The following CSMD3 variants were observed in gnomAD, a reference collection of about 807,000 sequenced individuals.
The protein encoded by CSMD3 is CUB and sushi domain-containing protein 3.
Under a neutral mutation model 435.2 loss-of-function variants are expected in CSMD3, and 177 were observed. The observed-to-expected ratio is 0.41, with a 90% CI of 0.36 to 0.46. CSMD3 has a LOEUF of 0.46. CSMD3 is among the 20% of genes least tolerant of loss of function. CSMD3 has a pLI of 0.34. For synonymous variants in CSMD3, 1,656 were observed against 1,520.5 expected, an observed-to-expected ratio of 1.09 and a Z score of -2.07; for missense variants, 4,265 against 4,504.6, an observed-to-expected ratio of 0.95 and a Z score of 1.52.
At chr8:113,080,689 C>T (rs1237089531) in intron 5 of CSMD3, among the ~76,000 whole-genome samples, 1 of 152,088 alleles carries the variant, frequency 6.6e-6, no homozygotes, top group African/African-American at 2.4e-5. Context: ...TACGTTTGTT[C>T]ATGAAGTTTA....
chr8:113,337,629 A>G (rs1397079723), intron 1 of CSMD3, among the ~76,000 whole-genome samples: 1 of 152,074 alleles, frequency 6.6e-6, no homozygotes, highest in Non-Finnish European at 1.5e-5. Context: ...AAAATAGATA[A>G]ATTAGATTTT....
chr8:112,371,794 A>G (rs1288794679), intron 38 of CSMD3, among the ~76,000 whole-genome samples: 1 of 152,028 alleles, frequency 6.6e-6, no homozygotes, highest in East Asian at 1.9e-4. Flanking sequence ...AGGCTGAGGC[A>G]GGAGAATCAC....
At chr8:112,835,371 T>A (rs1443744500) in intron 11 of CSMD3, among the ~76,000 whole-genome samples, 1 of 151,938 alleles carries the variant, frequency 6.6e-6, no homozygotes, top group Non-Finnish European at 1.5e-5. Flanking sequence ...ATGAGTTTTT[T>A]AAATGGAACA....
At chr8:112,788,692 C>T (rs1413047159) in intron 13 of CSMD3, among the ~76,000 whole-genome samples, 1 of 152,070 alleles carries the variant, frequency 6.6e-6, no homozygotes, top group African/African-American at 2.4e-5. Context: ...AGAGGAAACT[C>T]TATAAAATAT....
chr8:112,250,281 A>T (rs1407417117), intron 63 of CSMD3, among the ~76,000 whole-genome samples: 2 of 151,892 alleles, frequency 1.3e-5, no homozygotes, highest in Non-Finnish European at 1.5e-5. Flanking sequence ...ATATTAACCA[A>T]ATATTATAGA....
intron 16 of CSMD3, among the ~76,000 whole-genome samples, chr8:112,666,761 T>C (rs1359401869): frequency 6.6e-6 from 1 of 152,164 alleles, no homozygotes; most frequent in Non-Finnish European, 1.5e-5. Flanking sequence ...AGCTTTGGTT[T>C]CTTTCTCTTT....
intron 36 of CSMD3, among the ~76,000 whole-genome samples, chr8:112,386,738 C>T (rs1318668369): frequency 1.3e-5 from 2 of 151,228 alleles, no homozygotes; most frequent in African/African-American, 2.4e-5. Flanking sequence ...ACCTCGTGAT[C>T]CGCCCGCCTC....
At chr8:112,937,646 C>T (rs190275257) in intron 9 of CSMD3, among the ~76,000 whole-genome samples, 112 of 152,110 alleles carry the variant, frequency 7.4e-4, no homozygotes, top group Middle Eastern at 3.4e-3. Flanking sequence ...TTACTGCCCC[C>T]GGCAGGTAAT....
intron 5 of CSMD3, among the ~76,000 whole-genome samples, chr8:113,042,372 T>C (rs1180374708): frequency 6.6e-6 from 1 of 152,176 alleles, no homozygotes; most frequent in Non-Finnish European, 1.5e-5. Context: ...TACTATGTCT[T>C]TGCAGTTATC....
chr8:112,592,970 GC>G (rs1831327233), intron 22 of CSMD3, among the ~76,000 whole-genome samples: 1 of 152,122 alleles, frequency 6.6e-6, no homozygotes, highest in African/African-American at 2.4e-5. Flanking sequence ...TTTTAAAGAA[GC>G]CACAAGAGAA....
intron 12 of CSMD3, among the ~76,000 whole-genome samples, chr8:112,827,449 G>GT (rs2079732257): frequency 6.6e-6 from 1 of 151,678 alleles, no homozygotes; most frequent in Non-Finnish European, 1.5e-5. Context: ...TCTTGTCCAT[G>GT]TTTTTAAGAA....
At chr8:113,414,006 C>T (rs933751612) in intron 1 of CSMD3, among the ~76,000 whole-genome samples, 22 of 151,972 alleles carry the variant, frequency 1.4e-4, no homozygotes, top group African/African-American at 5.3e-4. Context: ...AAACAGAAGA[C>T]GAAATAGGAG....
intron 9 of CSMD3, among the ~76,000 whole-genome samples, chr8:112,929,885 C>T (rs1171667411): frequency 2.6e-5 from 4 of 151,896 alleles, no homozygotes; most frequent in Non-Finnish European, 5.9e-5. Context: ...GTTTTTAAGA[C>T]ATGAGTTAAA....
intron 47 of CSMD3, among the ~76,000 whole-genome samples, chr8:112,318,555 C>A (rs1822691868): frequency 6.6e-6 from 1 of 151,952 alleles, no homozygotes; most frequent in African/African-American, 2.4e-5. Context: ...TTCTCTCCAC[C>A]TCCATTCCCA....
At chr8:112,867,109 A>G (rs1345453390) in intron 10 of CSMD3, among the ~76,000 whole-genome samples, 1 of 152,178 alleles carries the variant, frequency 6.6e-6, no homozygotes, top group Admixed American at 6.6e-5. Flanking sequence ...AACTTTCAGC[A>G]GACAATGAGA....
At chr8:112,716,474 A>G (rs541171366) in intron 13 of CSMD3, among the ~76,000 whole-genome samples, 13 of 152,220 alleles carry the variant, frequency 8.5e-5, no homozygotes, top group Non-Finnish European at 1.5e-4. Context: ...GGAAGAATCA[A>G]TAGTGTGAAA....
chr8:112,557,055 T>C, intron 24 of CSMD3, 101 bp from the exon 25 acceptor site: 1 of 748,326 alleles, frequency 1.3e-6, no homozygotes, highest in Non-Finnish European at 2.3e-6. Context: ...GATTACATAC[T>C]TATTCTTAGT....
At chr8:113,196,083 C>T (rs897735556) in intron 3 of CSMD3, among the ~76,000 whole-genome samples, 5 of 150,990 alleles carry the variant, frequency 3.3e-5, no homozygotes, top group East Asian at 2.0e-4. Flanking sequence ...TCTCACTCCA[C>T]GAGATACTTA....
chr8:112,670,827 A>G (rs1306546227), intron 16 of CSMD3, among the ~76,000 whole-genome samples: 1 of 152,204 alleles, frequency 6.6e-6, no homozygotes, highest in East Asian at 1.9e-4. Context: ...GCTCTTGGCT[A>G]TCTTAGGAGT....
Sources: allele counts gnomAD v4.1 joint callset (sites outside exome capture counted in the v4.1 genomes callset), GRCh38; gene constraint gnomAD v4.1.1; transcripts MANE v1.5; gene names NCBI Gene and HGNC (gene_info 2026-07-23, HGNC 2026-07-21).